LDLRAD4: variants seen among roughly 807,000 people sequenced by gnomAD.
LDLRAD4 encodes low-density lipoprotein receptor class A domain-containing protein 4.
In LDLRAD4, 5 loss-of-function variants were observed where a neutral mutation model predicts 17.0. The observed-to-expected ratio is 0.29, with a 90% CI of 0.15 to 0.62. The LOEUF (loss-of-function observed/expected upper bound fraction) is 0.62, where lower values mean the gene tolerates loss of function less well. Ranked by LOEUF, LDLRAD4 falls within the 20% of genes least tolerant of loss-of-function variation. The probability of loss-of-function intolerance (pLI) is 0.84; values close to 1 mark genes in which losing one functional copy is unlikely to be tolerated. For missense variants in LDLRAD4, 340 were observed against 424.7 expected (o/e 0.80, Z 1.75); for synonymous variants, 168 against 171.8 (o/e 0.98, Z 0.17).
At chr18:13,259,434 T>C (rs4797755) in intron 1 of LDLRAD4, among the ~76,000 whole-genome samples, 148,854 of 152,278 alleles carry the variant, frequency 0.98, 72,842 homozygotes, top group Non-Finnish European at 1. Context: ...CCTCAGCCTC[T>C]GAAAGTGCTG....
intron 3 of LDLRAD4, among the ~76,000 whole-genome samples, chr18:13,494,184 A>G (rs1263875133): frequency 6.6e-6 from 1 of 152,214 alleles, no homozygotes; most frequent in Non-Finnish European, 1.5e-5. Flanking sequence ...GCAATTAAAT[A>G]TTGACATTCA....
At chr18:13,441,048 T>C (rs1051385462) in intron 3 of LDLRAD4, among the ~76,000 whole-genome samples, 3 of 152,190 alleles carry the variant, frequency 2.0e-5, no homozygotes, top group African/African-American at 7.2e-5. Context: ...TGGATTGTTC[T>C]GTGTGGCTGG....
chr18:13,377,399 G>T (rs529263863), intron 1 of LDLRAD4, among the ~76,000 whole-genome samples: 94 of 152,334 alleles, frequency 6.2e-4, no homozygotes, highest in African/African-American at 2.1e-3. Context: ...TTCTTGGAAA[G>T]GCTGGTCTAG....
chr18:13,550,830 T>G (rs943160252), intron 3 of LDLRAD4, among the ~76,000 whole-genome samples: 6 of 152,236 alleles, frequency 3.9e-5, no homozygotes, highest in Non-Finnish European at 7.4e-5. Flanking sequence ...TCCAAGTCCC[T>G]TCCTCTGCGA....
intron 1 of LDLRAD4, among the ~76,000 whole-genome samples, chr18:13,227,074 C>T (rs1312191078): frequency 6.6e-6 from 1 of 152,188 alleles, no homozygotes; most frequent in Non-Finnish European, 1.5e-5. Context: ...TCATGATGGG[C>T]AGACAGAAAA....
intron 2 of LDLRAD4, among the ~76,000 whole-genome samples, chr18:13,393,085 G>A (rs550251404): frequency 1.1e-4 from 17 of 152,204 alleles, no homozygotes; most frequent in African/African-American, 3.9e-4. Context: ...AGCAGCTCCC[G>A]GCGTGCCCTT....
chr18:13,277,937 T>G (rs1157684449), upstream of LDLRAD4, among the ~76,000 whole-genome samples: 1 of 152,180 alleles, frequency 6.6e-6, no homozygotes, highest in Non-Finnish European at 1.5e-5. Context: ...TCTTCTCTCT[T>G]CCTTCCCTTT....
chr18:13,617,272 C>A (rs2040180876), intron 3 of LDLRAD4, among the ~76,000 whole-genome samples: 1 of 152,144 alleles, frequency 6.6e-6, no homozygotes, highest in Non-Finnish European at 1.5e-5. Flanking sequence ...CTGTTTCATA[C>A]AACTGAGATC....
chr18:13,421,695 GC>G (rs967787657), intron 2 of LDLRAD4, among the ~76,000 whole-genome samples: 3 of 152,110 alleles, frequency 2.0e-5, no homozygotes, highest in African/African-American at 7.2e-5. Context: ...AGTTCCCCCT[GC>G]CCCCCACCCA....
intron 3 of LDLRAD4, among the ~76,000 whole-genome samples, chr18:13,575,129 A>C (rs2094750429): frequency 6.6e-6 from 1 of 152,194 alleles, no homozygotes; most frequent in Non-Finnish European, 1.5e-5. Context: ...TAGTTACATG[A>C]GAAAGTTATT....
At chr18:13,375,838 T>C (rs1255898140) in intron 1 of LDLRAD4, among the ~76,000 whole-genome samples, 1 of 152,166 alleles carries the variant, frequency 6.6e-6, no homozygotes, top group African/African-American at 2.4e-5. Context: ...GCCAGCGCCT[T>C]GCTCTTCAAC....
chr18:13,593,812 C>A (rs1318466624), intron 3 of LDLRAD4, among the ~76,000 whole-genome samples: 1 of 152,086 alleles, frequency 6.6e-6, no homozygotes, highest in Non-Finnish European at 1.5e-5. Context: ...GAGACAGGGT[C>A]TGTCTGTGTT....
At chr18:13,307,924 T>C (rs2047008710) in intron 1 of LDLRAD4, among the ~76,000 whole-genome samples, 1 of 152,188 alleles carries the variant, frequency 6.6e-6, no homozygotes, top group Non-Finnish European at 1.5e-5. Flanking sequence ...CGGGCTGGCA[T>C]CCCTAACCTC....
chr18:13,251,919 C>A (rs1398707414), intron 1 of LDLRAD4, among the ~76,000 whole-genome samples: 1 of 152,216 alleles, frequency 6.6e-6, no homozygotes, highest in South Asian at 2.1e-4. Context: ...GTGCTTTTCT[C>A]CTTGGTCTTC....
At chr18:13,489,278 C>T (rs995364409) in intron 3 of LDLRAD4, 1 of 152,126 alleles carries the variant, frequency 6.6e-6, no homozygotes, top group Non-Finnish European at 1.5e-5. Context: ...CCTCAGCCTC[C>T]CAAGTAGCTG....
chr18:13,427,463 G>A (rs2090029225), intron 2 of LDLRAD4: 1 of 152,654 alleles, frequency 6.6e-6, no homozygotes, highest in Admixed American at 6.5e-5. Context: ...GCTGGTTGCA[G>A]ATATTAAGAA....
Position 13,355,424 on chromosome 18 carries a change from C to T in LDLRAD4, c.-382-31917C>T, listed in dbSNP as rs59488365. 2.7e-3 allele frequency among the ~76,000 whole-genome samples: 407 copies of T among 152,228 alleles called. 1 individual carries two copies. The highest frequency in any genetic ancestry group is 8.9e-3 in the African/African-American group (371 of 41,530). On this transcript the variant is annotated intron_variant, in intron 1 of 5. Transcript: ENST00000359446. Reference sequence around the variant, plus strand: ...CTTCTAAGGAGTTTCTATCATAAGCCAGTGGTAGAATTTGTCATATGAGGG... The same window carrying T: ...CTTCTAAGGAGTTTCTATCATAAGCTAGTGGTAGAATTTGTCATATGAGGG...
chr18:13,382,021 C>T (rs770190194), intron 1 of LDLRAD4, among the ~76,000 whole-genome samples: 8 of 152,244 alleles, frequency 5.3e-5, no homozygotes, highest in Non-Finnish European at 1.0e-4. Context: ...GGGCTCGGCC[C>T]TGAGCGTCTG....
At chr18:13,408,539 A>C (rs1338024537) in intron 2 of LDLRAD4, among the ~76,000 whole-genome samples, 1 of 151,648 alleles carries the variant, frequency 6.6e-6, no homozygotes, top group African/African-American at 2.4e-5. Flanking sequence ...GTGGCGTGAT[A>C]TTGGCTCACT....
Sources: allele counts gnomAD v4.1 joint callset (sites outside exome capture counted in the v4.1 genomes callset), GRCh38; gene constraint gnomAD v4.1.1; transcripts MANE v1.5; gene names NCBI Gene and HGNC (gene_info 2026-07-23, HGNC 2026-07-21).